The following DOCK3 variants were observed in gnomAD, a reference collection of about 807,000 sequenced individuals.
DOCK3 encodes the protein dedicator of cytokinesis 3.
DOCK3 carries 60 observed loss-of-function variants against 265.6 expected under a neutral mutation model. The observed-to-expected ratio is 0.23, with a 90% confidence interval of 0.18 to 0.28. The LOEUF (loss-of-function observed/expected upper bound fraction) is 0.28. DOCK3 is among the 10% of genes least tolerant of loss of function. The probability of loss-of-function intolerance (pLI) is 1.00; values close to 1 mark genes in which losing one functional copy is unlikely to be tolerated. For missense variants in DOCK3, 1,981 were observed against 2,594.3 expected, an observed-to-expected ratio of 0.76 and a Z score of 5.14; for synonymous variants, 881 against 938.0, an observed-to-expected ratio of 0.94 and a Z score of 1.11.
chr3:50,720,724 G>GGGAT (rs1408254294), intron 1 of DOCK3, among the ~76,000 whole-genome samples: 1 of 152,144 alleles, frequency 6.6e-6, no homozygotes, highest in African/African-American at 2.4e-5. Flanking sequence ...ACCCAGTAAT[G>GGGAT]GGATTGCTGG....
intron 6 of DOCK3, among the ~76,000 whole-genome samples, chr3:51,067,868 T>C (rs534120604): frequency 3.3e-4 from 51 of 152,308 alleles, no homozygotes; most frequent in Non-Finnish European, 6.6e-4. Context: ...TTCATACCAT[T>C]AGATTATGTA....
At chr3:50,859,290 A>G (rs1296840362) in intron 3 of DOCK3, among the ~76,000 whole-genome samples, 1 of 134,760 alleles carries the variant, frequency 7.4e-6, no homozygotes, top group Non-Finnish European at 1.5e-5. Flanking sequence ...AACTTGGCTC[A>G]CTGCAGCCTC....
At chr3:51,136,263 C>T (rs1304992119) in intron 9 of DOCK3, among the ~76,000 whole-genome samples, 3 of 150,964 alleles carry the variant, frequency 2.0e-5, no homozygotes, top group South Asian at 2.1e-4. Flanking sequence ...GAGTCTCGCT[C>T]GTCACCCAGG....
intron 4 of DOCK3, among the ~76,000 whole-genome samples, chr3:50,896,121 A>G (rs1043884335): frequency 1.3e-5 from 2 of 152,140 alleles, no homozygotes; most frequent in Admixed American, 6.5e-5. Context: ...GGTTGAACTA[A>G]TTTACACTCC....
chr3:50,864,078 A>G (rs1398681474), intron 3 of DOCK3, among the ~76,000 whole-genome samples: 1 of 152,152 alleles, frequency 6.6e-6, no homozygotes. Flanking sequence ...TTCTGCCAAC[A>G]GTGTATGTGC....
chr3:51,073,505 C>G (rs1025917207), intron 6 of DOCK3, among the ~76,000 whole-genome samples: 1 of 152,196 alleles, frequency 6.6e-6, no homozygotes. Flanking sequence ...TATAAGAAGT[C>G]GGGATCCCAA....
chr3:51,234,816 T>C (rs550663856), intron 19 of DOCK3, among the ~76,000 whole-genome samples: 3 of 152,344 alleles, frequency 2.0e-5, no homozygotes, highest in South Asian at 4.1e-4. Flanking sequence ...TCATAGGGCT[T>C]TTCTGGGCAG....
intron 9 of DOCK3, 140 bp from the exon 10 acceptor site, chr3:51,146,409 A>G (rs1275949168): frequency 3.9e-6 from 3 of 765,954 alleles, no homozygotes; most frequent in Non-Finnish European, 6.4e-6. Context: ...GTGTCCTGCC[A>G]CTAGACGTGT....
chr3:51,362,473 C>G (rs1050414750), intron 48 of DOCK3, 54 bp from the exon 49 acceptor site: 14 of 1,610,380 alleles, frequency 8.7e-6, no homozygotes, highest in Non-Finnish European at 1.1e-5. Context: ...CTGTGCCAGC[C>G]CTAAAGTCCT....
chr3:51,093,463 C>T (rs907307058), intron 9 of DOCK3, among the ~76,000 whole-genome samples: 5 of 152,088 alleles, frequency 3.3e-5, no homozygotes, highest in Non-Finnish European at 4.4e-5. Flanking sequence ...GGAGTTCACT[C>T]GTGATTTTGC....
intron 40 of DOCK3, among the ~76,000 whole-genome samples, chr3:51,351,149 A>G (rs760730464): frequency 3.9e-4 from 60 of 152,228 alleles, no homozygotes; most frequent in Non-Finnish European, 5.3e-4. Flanking sequence ...GCTGAATCCC[A>G]TAGAGATGTG....
At chr3:51,205,058 C>G (rs2089097464) in intron 12 of DOCK3, among the ~76,000 whole-genome samples, 1 of 152,044 alleles carries the variant, frequency 6.6e-6, no homozygotes, top group South Asian at 2.1e-4. Flanking sequence ...GGAGATATAC[C>G]TAATGCTGGA....
chr3:51,165,738 C>T (rs919313484), intron 12 of DOCK3, among the ~76,000 whole-genome samples: 1 of 152,048 alleles, frequency 6.6e-6, no homozygotes. Context: ...GCACAGTGCC[C>T]CCTAGGCTTG....
chr3:51,159,602 A>G (rs2086034812), intron 11 of DOCK3, among the ~76,000 whole-genome samples: 1 of 152,172 alleles, frequency 6.6e-6, no homozygotes, highest in Non-Finnish European at 1.5e-5. Context: ...CATTATTTCT[A>G]ACACAGTGCC....
intron 15 of DOCK3, among the ~76,000 whole-genome samples, chr3:51,227,053 C>T (rs1418961092): frequency 6.6e-6 from 1 of 152,150 alleles, no homozygotes; most frequent in Non-Finnish European, 1.5e-5. Flanking sequence ...CATGTGGTTA[C>T]GTTCACCCCA....
intron 10 of DOCK3, among the ~76,000 whole-genome samples, chr3:51,157,567 T>C (rs1203866580): frequency 6.6e-6 from 1 of 152,142 alleles, no homozygotes; most frequent in Non-Finnish European, 1.5e-5. Context: ...TCTTAGTGTC[T>C]CCTTTTCTTT....
At chr3:50,874,105 G>A (rs1443707587) in intron 3 of DOCK3, among the ~76,000 whole-genome samples, 1 of 146,592 alleles carries the variant, frequency 6.8e-6, no homozygotes, top group Non-Finnish European at 1.5e-5. Context: ...CTCTTAGTGG[G>A]GTGATCAGTG....
intron 1 of DOCK3, among the ~76,000 whole-genome samples, chr3:50,763,238 C>G (rs1413923317): frequency 6.6e-6 from 1 of 152,120 alleles, no homozygotes; most frequent in Non-Finnish European, 1.5e-5. Context: ...CTGCCTCAAT[C>G]TCTTTTCATA....
intron 9 of DOCK3, among the ~76,000 whole-genome samples, chr3:51,145,798 C>T (rs1011726017): frequency 6.6e-6 from 1 of 152,090 alleles, no homozygotes; most frequent in Non-Finnish European, 1.5e-5. Context: ...TCATGGAAGC[C>T]AATTTTTCCA....
Sources: allele counts gnomAD v4.1 joint callset (sites outside exome capture counted in the v4.1 genomes callset), GRCh38; gene constraint gnomAD v4.1.1; transcripts MANE v1.5; gene names NCBI Gene and HGNC (gene_info 2026-07-23, HGNC 2026-07-21).